The following DMD variants were observed in gnomAD, a reference collection of about 807,000 sequenced individuals.
The protein encoded by DMD is mutant dystrophin.
A neutral mutation model predicts 330.1 loss-of-function variants in DMD; 63 were observed. The ratio of observed to expected loss-of-function variants is 0.19; its 90% CI spans 0.16 to 0.24. The LOEUF is 0.24. Ranked by LOEUF, DMD falls within the 10% of genes least tolerant of loss-of-function variation. The pLI is 1.00. For synonymous variants in DMD, 1,223 were observed against 959.8 expected (o/e 1.27, Z -5.07); for missense variants, 3,344 against 2,684.1 (o/e 1.25, Z -5.43).
intron 2 of DMD, among the ~76,000 whole-genome samples, chrX:32,991,691 G>C (rs946464856): frequency 5.4e-5 from 6 of 111,925 alleles, no homozygotes; most frequent in African/African-American, 1.9e-4. Context: ...GAAGCATACA[G>C]ATAAATGGAT....
At chrX:32,833,367 A>G (rs1206419368) in intron 4 of DMD, among the ~76,000 whole-genome samples, 1 of 110,802 alleles carries the variant, frequency 9.0e-6, no homozygotes, top group Non-Finnish European at 1.9e-5. Context: ...ATTTATCAAA[A>G]TAGAAGTTTT....
chrX:32,752,055 C>T (rs367553744), intron 7 of DMD, among the ~76,000 whole-genome samples: 2 of 112,590 alleles, frequency 1.8e-5, no homozygotes, highest in South Asian at 7.3e-4. Context: ...TGGAGAACCT[C>T]TGCTAGGGCA....
chrX:32,598,268 A>G (rs763438537), intron 12 of DMD, among the ~76,000 whole-genome samples: 47 of 112,080 alleles, frequency 4.2e-4, no homozygotes, highest in Middle Eastern at 4.6e-3. Context: ...TTGACATTCC[A>G]GAGCTTATAA....
At chrX:32,839,775 G>T (rs901779178) in intron 4 of DMD, among the ~76,000 whole-genome samples, 1 of 109,585 alleles carries the variant, frequency 9.1e-6, no homozygotes, top group African/African-American at 3.3e-5. Flanking sequence ...GCAGTGGCAC[G>T]ATCTCCACTC....
intron 1 of DMD, among the ~76,000 whole-genome samples, chrX:33,178,200 C>T (rs1296997584): frequency 8.9e-6 from 1 of 112,459 alleles, no homozygotes. Flanking sequence ...TGGAGGAAAG[C>T]TGTGTAAAGG....
At chrX:31,298,434 C>CACAT (rs2054369563) in intron 62 of DMD, among the ~76,000 whole-genome samples, 3 of 109,618 alleles carry the variant, frequency 2.7e-5, no homozygotes, top group Non-Finnish European at 5.7e-5. Context: ...CACACACATA[C>CACAT]ACACACACAC....
intron 49 of DMD, among the ~76,000 whole-genome samples, chrX:31,831,217 A>T (rs929034301): frequency 8.0e-5 from 9 of 112,064 alleles, no homozygotes; most frequent in African/African-American, 2.9e-4. Flanking sequence ...TTATGTAGGG[A>T]TTCAAACAAT....
At chrX:32,827,604 G>A (rs777552406) in intron 4 of DMD, among the ~76,000 whole-genome samples, 1 of 109,617 alleles carries the variant, frequency 9.1e-6, no homozygotes. Flanking sequence ...TCTTGAGTAG[G>A]CTCCAGTGTC....
chrX:32,854,641 TTG>T (rs758080340), intron 2 of DMD, among the ~76,000 whole-genome samples: 2 of 107,191 alleles, frequency 1.9e-5, no homozygotes, highest in African/African-American at 6.8e-5. Flanking sequence ...CAAAATTAGA[TTG>T]TGTCATGAAG....
intron 26 of DMD, among the ~76,000 whole-genome samples, chrX:32,453,790 T>C (rs1021960779): frequency 2.7e-5 from 3 of 111,097 alleles, no homozygotes; most frequent in African/African-American, 9.8e-5. Flanking sequence ...AACTCAAGTA[T>C]CTGGCTCCAC....
chrX:32,196,562 T>C (rs1246133267), intron 44 of DMD, among the ~76,000 whole-genome samples: 1 of 112,440 alleles, frequency 8.9e-6, no homozygotes, highest in Non-Finnish European at 1.9e-5. Flanking sequence ...TTAATATATA[T>C]ATGTGCTGAT....
chrX:32,715,814 ATCT>A (rs751964831), intron 7 of DMD, among the ~76,000 whole-genome samples: 6 of 111,101 alleles, frequency 5.4e-5, no homozygotes, highest in Admixed American at 2.9e-4. Flanking sequence ...AAAAAAGGAG[ATCT>A]TCTTATTTGC....
At chrX:32,842,477 G>A (rs1193176176) in intron 4 of DMD, among the ~76,000 whole-genome samples, 3 of 111,807 alleles carry the variant, frequency 2.7e-5, no homozygotes, top group Non-Finnish European at 5.6e-5. Flanking sequence ...ATGTGTGCTA[G>A]CATGTACAAC....
intron 51 of DMD, among the ~76,000 whole-genome samples, chrX:31,730,495 A>C (rs1246956085): frequency 8.9e-6 from 1 of 111,900 alleles, no homozygotes; most frequent in Admixed American, 9.5e-5. Context: ...AAATATAATA[A>C]AGTTAACAAT....
At chrX:33,250,781 AC>A (rs1172946787) in intron 1 of DMD, among the ~76,000 whole-genome samples, 1 of 110,777 alleles carries the variant, frequency 9.0e-6, no homozygotes, top group East Asian at 2.8e-4. Flanking sequence ...AATTATCAAA[AC>A]TCTACTATAT....
chrX:31,517,918 A>AACACACAC lies in DMD; in HGVS notation c.8218-10473_8218-10466dup, dbSNP rs372551324. Among the ~76,000 whole-genome samples the AACACACAC allele has an allele frequency of 2.2e-3, 195 of 89,637 alleles. 2 individuals carry two copies. Among genetic ancestry groups the AACACACAC allele is most frequent in the East Asian group, 5.8e-3 (16 of 2,749 alleles). The allele number at this position is 89,637 out of a possible 115,157, so 77.8% of individuals were successfully genotyped here. A position where few individuals can be genotyped will look rare whatever the true frequency, so the allele number is the denominator to read the frequency against. ...AAAAAAATACATATGCTGTGTTTCA[A>AACACACAC]ACACACACACACACACACACACACA... On this transcript the variant is annotated intron_variant, in intron 55 of 78. Transcript: ENST00000357033.
chrX:33,200,746 T>C (rs781109995), intron 1 of DMD, among the ~76,000 whole-genome samples: 1 of 110,316 alleles, frequency 9.1e-6, no homozygotes, highest in African/African-American at 3.3e-5. Flanking sequence ...CTCCGAAATA[T>C]ATTTCTGAAT....
chrX:32,622,768 C>T (rs957417488), intron 11 of DMD, among the ~76,000 whole-genome samples: 19 of 111,127 alleles, frequency 1.7e-4, no homozygotes, highest in African/African-American at 6.2e-4. Context: ...TTTGGTGCCC[C>T]CCGGGGTCTT....
At chrX:32,954,924 G>A (rs185226141) in intron 2 of DMD, among the ~76,000 whole-genome samples, 1 of 111,908 alleles carries the variant, frequency 8.9e-6, no homozygotes, top group African/African-American at 3.2e-5. Flanking sequence ...TACCACATTT[G>A]CTTTATCCAG....
Sources: allele counts gnomAD v4.1 joint callset (sites outside exome capture counted in the v4.1 genomes callset), GRCh38; gene constraint gnomAD v4.1.1; transcripts MANE v1.5; gene names NCBI Gene and HGNC (gene_info 2026-07-23, HGNC 2026-07-21).